The following DCC variants were observed in gnomAD, a reference collection of about 807,000 sequenced individuals.
DCC encodes netrin receptor DCC.
A neutral mutation model predicts 172.5 loss-of-function variants in DCC; 58 were observed. The observed-to-expected ratio is 0.34, with a 90% CI of 0.27 to 0.42. The LOEUF (loss-of-function observed/expected upper bound fraction) is 0.42. DCC is among the 10% of genes least tolerant of loss of function. The probability of loss-of-function intolerance (pLI) is 1.00; values close to 1 mark genes in which losing one functional copy is unlikely to be tolerated. For synonymous variants in DCC, 709 were observed against 644.5 expected (o/e 1.10, Z -1.52); for missense variants, 1,740 against 1,791.0 (o/e 0.97, Z 0.51).
At chr18:53,206,216 T>C (rs2055629059) in intron 10 of DCC, among the ~76,000 whole-genome samples, 2 of 29,812 alleles carry the variant, frequency 6.7e-5, no homozygotes, top group African/African-American at 1.1e-4. Flanking sequence ...CATATACATG[T>C]GTATATATAC....
At chr18:53,320,284 G>A (rs1455771461) in intron 13 of DCC, among the ~76,000 whole-genome samples, 1 of 152,030 alleles carries the variant, frequency 6.6e-6, no homozygotes, top group Non-Finnish European at 1.5e-5. Flanking sequence ...GTGTTAGCCA[G>A]GATGGTCTCG....
intron 1 of DCC, among the ~76,000 whole-genome samples, chr18:52,453,195 G>GT (rs1160315954): frequency 1.3e-5 from 2 of 152,306 alleles, no homozygotes; most frequent in East Asian, 3.9e-4. Flanking sequence ...ATAGATTTCA[G>GT]TATTTCAAAT....
intron 1 of DCC, among the ~76,000 whole-genome samples, chr18:52,700,245 C>T (rs200863287): frequency 1.2e-3 from 174 of 148,068 alleles, no homozygotes; most frequent in Non-Finnish European, 1.3e-3. Flanking sequence ...CACATGCACA[C>T]TCACACACGC....
chr18:52,790,635 G>A (rs974398568), intron 2 of DCC, among the ~76,000 whole-genome samples: 2 of 152,168 alleles, frequency 1.3e-5, no homozygotes, highest in African/African-American at 4.8e-5. Flanking sequence ...AAAAGTCTGG[G>A]ATATCAGAGT....
At chr18:53,135,389 T>C (rs778504000) in intron 7 of DCC, among the ~76,000 whole-genome samples, 8 of 152,110 alleles carry the variant, frequency 5.3e-5, no homozygotes, top group Non-Finnish European at 1.0e-4. Context: ...TTAAGGATAA[T>C]AAGGGAAAGA....
At chr18:52,528,552 C>T (rs764900985) in intron 1 of DCC, among the ~76,000 whole-genome samples, 1 of 152,034 alleles carries the variant, frequency 6.6e-6, no homozygotes, top group African/African-American at 2.4e-5. Context: ...AAAGCTGGAC[C>T]TCAGGAACTG....
In DCC at chr18:53,167,244, G is replaced by A. The variant is rs554147410; in HGVS notation, c.1418+9732G>A. On this transcript the variant is annotated intron_variant, in intron 8 of 28. Transcript: ENST00000442544. ...GTATTTACTAAAAATGCATGTTAGA[G>A]ACTTGCTACAAATAATCCACTAAGA... Among the ~76,000 whole-genome samples, 9 of 152,282 alleles carry A rather than the reference G, an allele frequency of 5.9e-5. No individual in the cohort carries two copies. The East Asian group carries it at 1.7e-3, about 29-fold the overall frequency.
chr18:53,047,292 T>TTATA (rs1229921682), intron 5 of DCC, among the ~76,000 whole-genome samples: 4 of 20,154 alleles, frequency 2.0e-4, no homozygotes, highest in African/African-American at 7.5e-4. Flanking sequence ...ATATATAATT[T>TTATA]TATATATATA....
At chr18:53,025,901 T>G (rs192258936) in intron 5 of DCC, among the ~76,000 whole-genome samples, 5 of 151,738 alleles carry the variant, frequency 3.3e-5, no homozygotes, top group Non-Finnish European at 7.4e-5. Context: ...AAATGTGGTG[T>G]AAAATAAATA....
chr18:52,387,787 G>T (rs1315190156), intron 1 of DCC, among the ~76,000 whole-genome samples: 1 of 152,092 alleles, frequency 6.6e-6, no homozygotes, highest in Non-Finnish European at 1.5e-5. Flanking sequence ...CTGCTGCAAT[G>T]AATGGGATTC....
chr18:52,959,998 A>C (rs944298099), intron 5 of DCC, among the ~76,000 whole-genome samples: 1 of 152,074 alleles, frequency 6.6e-6, no homozygotes, highest in Non-Finnish European at 1.5e-5. Flanking sequence ...CATGCTAGAC[A>C]CTGAAATTAC....
intron 2 of DCC, among the ~76,000 whole-genome samples, chr18:52,894,815 C>T (rs558772058): frequency 2.6e-5 from 4 of 152,114 alleles, no homozygotes; most frequent in South Asian, 2.1e-4. Context: ...GGGCCTTTAA[C>T]GGATTGGATA....
intron 1 of DCC, among the ~76,000 whole-genome samples, chr18:52,455,240 A>T (rs1335800726): frequency 1.3e-5 from 2 of 152,136 alleles, no homozygotes; most frequent in African/African-American, 4.8e-5. Flanking sequence ...TGTTTCAATG[A>T]GTCTCCTGAA....
chr18:52,406,307 C>A (rs28635353), intron 1 of DCC, among the ~76,000 whole-genome samples: 113,125 of 145,608 alleles, frequency 0.78, 44,261 homozygotes, highest in Middle Eastern at 0.82. Context: ...GCAACAAAAG[C>A]CAAAATTGAC....
Position 53,098,077 on chromosome 18 carries a change from T to C in DCC, c.1261+31911T>C, listed in dbSNP as rs75989778. ...CCCTGTTCTCTGACTTCCTACAGAG[T>C]ACATTGTCTAAATTTCACAACTAGA... On this transcript the variant is annotated intron_variant, in intron 7 of 28. Coordinates refer to ENST00000442544, the MANE Select transcript of DCC (RefSeq NM_005215.4). 1.8e-4 allele frequency among the ~76,000 whole-genome samples: 27 copies of C among 152,226 alleles called. 1 individual carries two copies. In the East Asian group the frequency reaches 4.8e-3, roughly 27 times the overall value.
At chr18:53,271,688 C>T (rs756783903) in intron 12 of DCC, among the ~76,000 whole-genome samples, 1 of 152,094 alleles carries the variant, frequency 6.6e-6, no homozygotes, top group Non-Finnish European at 1.5e-5. Flanking sequence ...CTTTTGTGAC[C>T]TTTTTGTAAC....
At chr18:53,094,394 C>T (rs371517475) in intron 7 of DCC, among the ~76,000 whole-genome samples, 195 of 152,302 alleles carry the variant, frequency 1.3e-3, no homozygotes, top group African/African-American at 4.3e-3. Context: ...CATAAAGCTA[C>T]AAGTATCATC....
intron 5 of DCC, among the ~76,000 whole-genome samples, chr18:52,961,255 A>G (rs1031445148): frequency 2.0e-5 from 3 of 152,170 alleles, no homozygotes; most frequent in Admixed American, 1.3e-4. Flanking sequence ...ACAAACCTGC[A>G]CGTTGTGCAC....
At chr18:53,034,909 G>A (rs1449186849) in intron 5 of DCC, among the ~76,000 whole-genome samples, 2 of 151,922 alleles carry the variant, frequency 1.3e-5, no homozygotes, top group African/African-American at 2.4e-5. Flanking sequence ...TGCCTCAGAT[G>A]TTCTTACTCT....
Sources: gnomAD v4.1 joint callset for allele counts (sites outside exome capture counted in the v4.1 genomes callset) on GRCh38, gnomAD v4.1.1 for gene constraint, MANE v1.5 for transcripts, NCBI Gene and HGNC (gene_info 2026-07-23, HGNC 2026-07-21) for gene names.